EVI5: variants seen among roughly 807,000 people sequenced by gnomAD.
EVI5 encodes ecotropic viral integration site 5 protein homolog.
In EVI5, 73 loss-of-function variants were observed where a neutral mutation model predicts 112.0. That is an observed-to-expected ratio of 0.65 (90% confidence interval 0.54 to 0.79). The LOEUF is 0.79. Ranked by LOEUF, EVI5 falls within the 30% of genes least tolerant of loss-of-function variation. The probability of loss-of-function intolerance (pLI) is 0.00; values close to 1 mark genes in which losing one functional copy is unlikely to be tolerated. For synonymous variants in EVI5, 305 were observed against 319.9 expected, an observed-to-expected ratio of 0.95 and a Z score of 0.50; for missense variants, 900 against 968.8, an observed-to-expected ratio of 0.93 and a Z score of 0.94.
chr1:92,626,834 A>G (rs1400704482), intron 14 of EVI5, among the ~76,000 whole-genome samples: 2 of 152,216 alleles, frequency 1.3e-5, no homozygotes, highest in Non-Finnish European at 2.9e-5. Flanking sequence ...TTCATAGAAA[A>G]TAGTAGTCCA....
intron 14 of EVI5, among the ~76,000 whole-genome samples, chr1:92,628,748 A>C (rs1556564): frequency 0.92 from 140,294 of 152,270 alleles, 64,718 homozygotes; most frequent in East Asian, 0.97. Flanking sequence ...TGATTCTATG[A>C]AATTTTCTAT....
At chr1:92,709,734 G>A (rs1014207138) in intron 2 of EVI5, among the ~76,000 whole-genome samples, 2 of 152,102 alleles carry the variant, frequency 1.3e-5, no homozygotes, top group Non-Finnish European at 2.9e-5. Flanking sequence ...CCTATAGCAT[G>A]TAGAAAAATA....
chr1:92,768,767 C>G lies in EVI5; in HGVS notation c.-82+16069G>C, dbSNP rs142807046. Among the ~76,000 whole-genome samples, 749 of 152,230 alleles carry G rather than the reference C, an allele frequency of 4.9e-3. 2 individuals are homozygous for G. The highest frequency in any genetic ancestry group is 8.4e-3 in the Non-Finnish European group (568 of 68,008). On this transcript the variant is annotated intron_variant, in intron 1 of 19. Coordinates refer to ENST00000684568, the MANE Select transcript of EVI5 (RefSeq NM_001350197.2). The stretch of plus-strand genomic sequence containing the variant: ...GCACATGCCTGTAGTCCCAGCTACT[C>G]AGGAGGCTGAGGTGAGAGGACTGCT...
At chr1:92,606,924 C>CACACA (rs1557886813) in intron 17 of EVI5, among the ~76,000 whole-genome samples, 2,629 of 91,454 alleles carry the variant, frequency 0.029, 66 homozygotes, top group African/African-American at 0.052. Context: ...ACACACACAC[C>CACACA]CCCCCAAACC....
intron 1 of EVI5, among the ~76,000 whole-genome samples, chr1:92,738,190 G>T (rs916624307): frequency 6.6e-6 from 1 of 152,090 alleles, no homozygotes; most frequent in Non-Finnish European, 1.5e-5. Flanking sequence ...TTTGTGCCAC[G>T]AAATGACAGA....
At chr1:92,762,861 T>C (rs1051272764) in intron 1 of EVI5, among the ~76,000 whole-genome samples, 1 of 152,132 alleles carries the variant, frequency 6.6e-6, no homozygotes, top group Non-Finnish European at 1.5e-5. Context: ...AGTTATTTAC[T>C]GGGTACAATA....
chr1:92,601,967 G>A (rs2101535835), intron 18 of EVI5, among the ~76,000 whole-genome samples: 1 of 152,244 alleles, frequency 6.6e-6, no homozygotes, highest in East Asian at 1.9e-4. Context: ...ACATACGATA[G>A]CATGATTTAA....
intron 1 of EVI5, among the ~76,000 whole-genome samples, chr1:92,774,460 A>C (rs1001141494): frequency 4.6e-5 from 7 of 152,234 alleles, no homozygotes; most frequent in Admixed American, 1.3e-4. Context: ...GCAAATAATC[A>C]TTTGAGCACC....
intron 11 of EVI5, among the ~76,000 whole-genome samples, chr1:92,663,936 T>TA (rs1487681024): frequency 6.6e-6 from 1 of 152,224 alleles, no homozygotes; most frequent in Non-Finnish European, 1.5e-5. Context: ...TTTGTAGAGA[T>TA]ACAGTCTTGC....
At position 92,693,912 on chromosome 1, in the gene EVI5, TAA is replaced by T; in HGVS notation, c.1000-15_1000-14del. 3 of 1,318,404 alleles carry T rather than the reference TAA, an allele frequency of 2.3e-6. No individual in the cohort carries two copies. Among genetic ancestry groups the T allele is most frequent in the Non-Finnish European group, 3.1e-6 (3 of 955,912 alleles). The allele number at this position is 1,318,404 out of a possible 1,614,324, so 81.7% of individuals were successfully genotyped here. A position where few individuals can be genotyped will look rare whatever the true frequency, so the allele number is the denominator to read the frequency against. On this transcript the variant is annotated splice_polypyrimidine_tract_variant and intron_variant, in intron 8 of 19. Coordinates refer to ENST00000684568, the MANE Select transcript of EVI5 (RefSeq NM_001350197.2). Reference sequence around the variant, plus strand: ...CCTTTTGAAAGTGCTAAGATACAATTAAAAAAAAAACATAAGAATGACTTAGT... The same window carrying T: ...CCTTTTGAAAGTGCTAAGATACAATTAAAAAAAACATAAGAATGACTTAGT...
intron 18 of EVI5, among the ~76,000 whole-genome samples, chr1:92,601,315 A>G (rs965612477): frequency 6.6e-6 from 1 of 152,232 alleles, no homozygotes; most frequent in Non-Finnish European, 1.5e-5. Flanking sequence ...AAATCCTCAA[A>G]AAATCAAAAA....
chr1:92,522,681 T>C (rs930670380), intron 19 of EVI5, among the ~76,000 whole-genome samples: 2 of 149,920 alleles, frequency 1.3e-5, no homozygotes, highest in African/African-American at 2.5e-5. Flanking sequence ...CACTGTAAAG[T>C]TCTGGTTTCC....
intron 1 of EVI5, chr1:92,784,229 A>C (rs1268810474): frequency 1.7e-5 from 14 of 846,204 alleles, no homozygotes; most frequent in Non-Finnish European, 1.8e-5. Flanking sequence ...TTGAGTGGAA[A>C]CACCAACACC....
intron 18 of EVI5, among the ~76,000 whole-genome samples, chr1:92,593,309 C>A (rs562770196): frequency 2.0e-5 from 3 of 152,006 alleles, no homozygotes; most frequent in Admixed American, 1.3e-4. Context: ...ACAGAACCAA[C>A]GACAAAAATC....
chr1:92,642,932 G>A (rs1395102883), intron 13 of EVI5, among the ~76,000 whole-genome samples: 3 of 152,178 alleles, frequency 2.0e-5, no homozygotes, highest in African/African-American at 4.8e-5. Flanking sequence ...TACCTGAATG[G>A]TAAGACCAAG....
chr1:92,701,652 A>G lies in EVI5; in HGVS notation c.639+489T>C, dbSNP rs142889417. Among the ~76,000 whole-genome samples the G allele has an allele frequency of 2.9e-3, 439 of 152,192 alleles. 7 individuals are homozygous for G. The highest frequency in any genetic ancestry group is 0.027 in the South Asian group (131 of 4,816). The stretch of plus-strand genomic sequence containing the variant: ...CCAAACCCACTGCACACTCAATAAC[A>G]AAGTTATATCCCTAGGGGGTAAAAG... On this transcript the variant is annotated intron_variant, in intron 5 of 19. Coordinates refer to ENST00000684568, the MANE Select transcript of EVI5 (RefSeq NM_001350197.2).
chr1:92,534,134 A>G (rs769228504), intron 19 of EVI5, among the ~76,000 whole-genome samples: 6 of 152,218 alleles, frequency 3.9e-5, no homozygotes, highest in African/African-American at 1.2e-4. Flanking sequence ...CTATATACCA[A>G]TAACAGACAA....
intron 16 of EVI5, among the ~76,000 whole-genome samples, chr1:92,608,803 C>T (rs1231035936): frequency 6.6e-6 from 1 of 151,996 alleles, no homozygotes; most frequent in Non-Finnish European, 1.5e-5. Context: ...TCTACATGCT[C>T]TCAATGTCTA....
At chr1:92,734,764 C>T (rs1332652347) in intron 2 of EVI5, among the ~76,000 whole-genome samples, 1 of 152,108 alleles carries the variant, frequency 6.6e-6, no homozygotes, top group Non-Finnish European at 1.5e-5. Context: ...AAGTCATGTG[C>T]TTGATACAAG....
Sources: allele counts gnomAD v4.1 joint callset (sites outside exome capture counted in the v4.1 genomes callset), GRCh38; gene constraint gnomAD v4.1.1; transcripts MANE v1.5; gene names NCBI Gene and HGNC (gene_info 2026-07-23, HGNC 2026-07-21).